The following USP8 variants were observed in gnomAD, a reference collection of about 807,000 sequenced individuals.
USP8 encodes the protein ubiquitin carboxyl-terminal hydrolase 8.
Under a neutral mutation model 130.0 loss-of-function variants are expected in USP8, and 27 were observed. The observed-to-expected ratio is 0.21, with a 90% CI of 0.15 to 0.29. USP8 has a LOEUF of 0.29. Ranked by LOEUF, USP8 falls within the 10% of genes least tolerant of loss-of-function variation. USP8 has a pLI of 1.00. For missense variants in USP8, 1,029 were observed against 1,312.2 expected, an observed-to-expected ratio of 0.78 and a Z score of 3.33; for synonymous variants, 392 against 444.1, an observed-to-expected ratio of 0.88 and a Z score of 1.48.
rs1283491889 is a variant in USP8, at chr15:50,503,355, TG to T, written c.*4269del. 6.6e-6 allele frequency: 1 copy of T among 152,282 alleles called. No individual in the cohort carries two copies. The highest frequency in any genetic ancestry group is 1.5e-5 in the Non-Finnish European group (1 of 68,098). 9.4% of individuals were successfully genotyped at this position (152,282 alleles called of 1,614,324 possible). ...CTAAACAGGAAATTTAACAACAGTATGGTGTGTGGTTTATGCTTTGTGACTG... is the reference window on the plus strand; with the variant it reads ...CTAAACAGGAAATTTAACAACAGTATGTGTGTGGTTTATGCTTTGTGACTG... On this transcript the variant is annotated 3_prime_UTR_variant, in exon 20 of 20. Transcript: ENST00000307179.
At chr15:50,438,907 C>A in intron 1 of USP8, 102 bp from the exon 2 acceptor site, 3 of 492,730 alleles carry the variant, frequency 6.1e-6, no homozygotes, top group Non-Finnish European at 1.1e-5. Context: ...TAAAATTAAC[C>A]CTGTTAGCAA....
At position 50,507,960 on chromosome 15, in the gene USP8, C is replaced by T. The variant is rs1481998654; in HGVS notation, c.*8872C>T. Reference sequence around the variant, plus strand: ...TGTCGGCTGCCTGTAATCCCAGCTACTGAGGAGGCTGAAGCAGGAAAATCG... The same window carrying T: ...TGTCGGCTGCCTGTAATCCCAGCTATTGAGGAGGCTGAAGCAGGAAAATCG... On this transcript the variant is annotated 3_prime_UTR_variant, in exon 20 of 20. Coordinates refer to ENST00000307179, the MANE Select transcript of USP8 (RefSeq NM_005154.5). 1 of 150,046 alleles carries T rather than the reference C, an allele frequency of 6.7e-6. No homozygotes were observed. Among genetic ancestry groups the T allele is most frequent in the African/African-American group, 2.5e-5 (1 of 40,644 alleles). The allele number at this position is 150,046 out of a possible 1,614,324, so 9.3% of individuals were successfully genotyped here. A position where few individuals can be genotyped will look rare whatever the true frequency, so the allele number is the denominator to read the frequency against.
rs373704916 is a variant in USP8, at chr15:50,477,410, A to G, written c.1129A>G (p.Ile377Val). Residue 377 changes from isoleucine (I) to valine (V), a missense_variant, in exon 10 of 20, where the codon ATA becomes GTA. Around this residue, in one of 4 missense-constraint regions of USP8, gnomAD observed 486 missense variants for 522.0 expected, o/e 0.93. Coordinates refer to ENST00000307179, the MANE Select transcript of USP8 (RefSeq NM_005154.5). ...AAATGAGAGAATGGGACCACTGAATATATCAACTCCAGTTGAACCAGTTGC... is the reference window on the plus strand; with the variant it reads ...AAATGAGAGAATGGGACCACTGAATGTATCAACTCCAGTTGAACCAGTTGC... ...GQNERMGPLN[I>V]STPVEPVAAS... 31 of 1,614,188 alleles carry G rather than the reference A, an allele frequency of 1.9e-5. No individual in the cohort carries two copies. Among genetic ancestry groups the G allele is most frequent in the East Asian group, 1.6e-4 (7 of 44,868 alleles).
chr15:50,482,342 C>G (rs989268424), intron 11 of USP8, among the ~76,000 whole-genome samples: 1 of 152,146 alleles, frequency 6.6e-6, no homozygotes, highest in Non-Finnish European at 1.5e-5. Flanking sequence ...CTACATTCTT[C>G]ATTTTTATGT....
chr15:50,443,249 C>T, intron 3 of USP8, among the ~76,000 whole-genome samples: 1 of 148,814 alleles, frequency 6.7e-6, no homozygotes, highest in Non-Finnish European at 1.5e-5. Flanking sequence ...CCATGTTGGC[C>T]CAGCTGGTAT....
At chr15:50,439,831 T>A (rs890932795) in intron 2 of USP8, among the ~76,000 whole-genome samples, 4 of 128,736 alleles carry the variant, frequency 3.1e-5, no homozygotes, top group East Asian at 5.7e-4. Context: ...AATAATAATT[T>A]TTTTTTTCCA....
intron 1 of USP8, among the ~76,000 whole-genome samples, chr15:50,428,412 G>A (rs1177076921): frequency 1.3e-5 from 2 of 152,076 alleles, no homozygotes; most frequent in Non-Finnish European, 2.9e-5. Context: ...CTACCACGCC[G>A]GGCCTACAAT....
At position 50,510,216 on chromosome 15, in the gene USP8, T is replaced by C. The variant is rs1251169982; in HGVS notation, c.*11128T>C. The stretch of plus-strand genomic sequence containing the variant: ...GTTATTCATATGCAGAAAAATGAAA[T>C]TGAATCCCTAATTTATACTACATTT... On this transcript the variant is annotated 3_prime_UTR_variant, in exon 20 of 20. Transcript: ENST00000307179. 6.6e-6 allele frequency: 1 copy of C among 152,112 alleles called. No individual in the cohort carries two copies. The highest frequency in any genetic ancestry group is 1.5e-5 in the Non-Finnish European group (1 of 68,014). 9.4% of individuals were successfully genotyped at this position (152,112 alleles called of 1,614,324 possible).
At chr15:50,467,600 G>A (rs1293922246) in intron 7 of USP8, among the ~76,000 whole-genome samples, 1 of 151,986 alleles carries the variant, frequency 6.6e-6, no homozygotes, top group African/African-American at 2.4e-5. Flanking sequence ...TCTGTGCCTG[G>A]GTTGGAGTGC....
At chr15:50,492,209 A>T (rs559089604) in intron 14 of USP8, among the ~76,000 whole-genome samples, 2 of 152,270 alleles carry the variant, frequency 1.3e-5, no homozygotes, top group South Asian at 4.1e-4. Context: ...AATAGTCAAC[A>T]CACTCTAGAA....
In USP8 at chr15:50,503,974, A is replaced by T. The variant is rs1438096386; in HGVS notation, c.*4886A>T. 1.3e-5 allele frequency: 2 copies of T among 152,240 alleles called. No homozygotes were observed. The highest frequency in any genetic ancestry group is 2.9e-5 in the Non-Finnish European group (2 of 68,050). 9.4% of individuals were successfully genotyped at this position (152,240 alleles called of 1,614,324 possible). The stretch of plus-strand genomic sequence containing the variant: ...ATTTAAATATATTTAGAAGAAGGAA[A>T]CAAACTTTAGAAACTAAATAGAATT... On this transcript the variant is annotated 3_prime_UTR_variant, in exon 20 of 20. Transcript: ENST00000307179.
chr15:50,500,431 C>T lies in USP8; in HGVS notation c.*1343C>T, dbSNP rs1415386001. ...ATTGCAGTGTTTTGAAGGCCTGCAT[C>T]CATTAGCATTGCATTATATTCACAC... On this transcript the variant is annotated 3_prime_UTR_variant, in exon 20 of 20. Coordinates refer to ENST00000307179, the MANE Select transcript of USP8 (RefSeq NM_005154.5). The T allele has an allele frequency of 1.5e-5, 3 of 199,494 alleles. No individual in the cohort carries two copies. Among genetic ancestry groups the T allele is most frequent in the African/African-American group, 6.8e-5 (3 of 43,916 alleles). 12.4% of individuals were successfully genotyped at this position (199,494 alleles called of 1,614,324 possible). A position where few individuals can be genotyped will look rare whatever the true frequency, so the allele number is the denominator to read the frequency against.
At position 50,508,178 on chromosome 15, in the gene USP8, C is replaced by G. The variant is rs1336265363; in HGVS notation, c.*9090C>G. On this transcript the variant is annotated 3_prime_UTR_variant, in exon 20 of 20. Coordinates refer to ENST00000307179, the MANE Select transcript of USP8 (RefSeq NM_005154.5). ...ATGATACCCCCACAAAAAATCAATA[C>G]TTTTGGAAATTAAAAAAACACTTCT... is the stretch of plus-strand genomic sequence containing the variant. 6.8e-6 allele frequency: 1 copy of G among 148,118 alleles called. No individual in the cohort carries two copies. The highest frequency in any genetic ancestry group is 1.5e-5 in the Non-Finnish European group (1 of 66,986). 9.2% of individuals were successfully genotyped at this position (148,118 alleles called of 1,614,324 possible).
intron 5 of USP8, 126 bp from the exon 6 acceptor site, chr15:50,462,154 A>G: frequency 5.9e-6 from 4 of 682,648 alleles, no homozygotes; most frequent in Non-Finnish European, 9.5e-6. Flanking sequence ...CTGCGTTTTT[A>G]TAAAAGGCCA....
intron 1 of USP8, among the ~76,000 whole-genome samples, chr15:50,437,513 T>C (rs1204188762): frequency 6.6e-6 from 1 of 152,232 alleles, no homozygotes; most frequent in Admixed American, 6.5e-5. Context: ...GGGCAGGGTA[T>C]GTTTTCTGGT....
intron 3 of USP8, among the ~76,000 whole-genome samples, chr15:50,447,197 G>T (rs545025324): frequency 6.6e-6 from 1 of 152,240 alleles, no homozygotes; most frequent in East Asian, 1.9e-4. Flanking sequence ...AGGTTGTATT[G>T]TGCTACTGGA....
At chr15:50,462,425 C>T in intron 6 of USP8, 103 bp downstream of exon 6, 1 of 1,000,738 alleles carries the variant, frequency 1.0e-6, no homozygotes. Context: ...GCATTGTTGT[C>T]TAATCTCTAT....
Position 50,481,620 on chromosome 15 carries a change from C to T in USP8, c.1358C>T (p.Pro453Leu). 1 of 1,613,880 alleles carries T rather than the reference C, an allele frequency of 6.2e-7. No homozygotes were observed. Residue 453 changes from proline (P) to leucine (L), a missense_variant, in exon 11 of 20, where the codon CCA (proline) becomes CTA (leucine). Transcript: ENST00000307179. ...DRSTKPVVFS[P>L]TLMLTDEEKA... is the part of the protein sequence containing the mutation. ...TCCACCAAGCCAGTAGTTTTTTCTC[C>T]AACTCTCATGTTAACAGATGAAGAA...
chr15:50,472,076 T>A (rs1037468122), intron 8 of USP8, among the ~76,000 whole-genome samples: 1 of 151,698 alleles, frequency 6.6e-6, no homozygotes, highest in African/African-American at 2.4e-5. Flanking sequence ...AATTTTTGTA[T>A]TTTTAGAAGA....
Sources: allele counts gnomAD v4.1 joint callset (sites outside exome capture counted in the v4.1 genomes callset), GRCh38; gene constraint gnomAD v4.1.1; regional missense constraint gnomAD v4.1.1; transcripts MANE v1.5; gene names NCBI Gene and HGNC (gene_info 2026-07-23, HGNC 2026-07-21).